Variants in P2RX5 observed in about 807,000 individuals in gnomAD.
P2RX5 encodes P2X purinoceptor 5.
In P2RX5, 46 loss-of-function variants were observed where a neutral mutation model predicts 54.1. That is an observed-to-expected ratio of 0.85 (90% confidence interval 0.67 to 1.09). P2RX5 has a LOEUF of 1.09. Ranked by LOEUF, P2RX5 falls within the 50% of genes least tolerant of loss-of-function variation. The probability of loss-of-function intolerance (pLI) is 0.00; values close to 1 mark genes in which losing one functional copy is unlikely to be tolerated. For synonymous variants in P2RX5, 226 were observed against 226.4 expected (o/e 1.00, Z 0.02); for missense variants, 566 against 549.8 (o/e 1.03, Z -0.29).
At chr17:3,721,661 G>C in the P2RX5 span, 2 of 152,056 alleles carry the variant, frequency 1.3e-5, no homozygotes, top group Admixed American at 6.6e-5. Flanking sequence ...CCTCACAAAT[G>C]TCACCTGGAT....
intron 3 of P2RX5, 118 bp downstream of exon 3, chr17:3,690,838 C>T (rs1964035792): frequency 8.8e-7 from 1 of 1,137,752 alleles, no homozygotes; most frequent in Non-Finnish European, 1.3e-6. Context: ...CACCCGGGTG[C>T]ACACAGCCAC....
intron 11 of P2RX5, among the ~76,000 whole-genome samples, chr17:3,675,103 G>A (rs1009105492): frequency 6.6e-6 from 1 of 152,160 alleles, no homozygotes; most frequent in African/African-American, 2.4e-5. Flanking sequence ...GCAGTGGCAC[G>A]ATCTTGGATC....
At chr17:3,707,334 G>C in the P2RX5 span, among the ~76,000 whole-genome samples, 1 of 152,112 alleles carries the variant, frequency 6.6e-6, no homozygotes, top group South Asian at 2.1e-4. Flanking sequence ...ACAGCCCACC[G>C]AACAGTCAGA....
chr17:3,680,764 C>A (rs1158347521), intron 10 of P2RX5, among the ~76,000 whole-genome samples: 8 of 106,160 alleles, frequency 7.5e-5, no homozygotes, highest in Non-Finnish European at 1.6e-4. Context: ...CTCCACCCTG[C>A]ATCCTCCACC....
At chr17:3,683,570 A>G (rs530824953) in intron 9 of P2RX5, among the ~76,000 whole-genome samples, 1 of 152,276 alleles carries the variant, frequency 6.6e-6, no homozygotes, top group African/African-American at 2.4e-5. Flanking sequence ...GTCTCTACAA[A>G]AATACGAAAA....
chr17:3,720,351 T>C, the P2RX5 span: 3 of 1,591,904 alleles, frequency 1.9e-6, no homozygotes, highest in Non-Finnish European at 2.6e-6. Context: ...TATAGAGATT[T>C]GTTGAAAGAT....
At chr17:3,707,987 T>C in the P2RX5 span, among the ~76,000 whole-genome samples, 2 of 141,480 alleles carry the variant, frequency 1.4e-5, no homozygotes, top group African/African-American at 2.7e-5. Flanking sequence ...GAACCCGGGA[T>C]GCGGAACTTG....
chr17:3,677,083 G>A (rs2050121613), intron 11 of P2RX5: 2 of 985,174 alleles, frequency 2.0e-6, no homozygotes, highest in African/African-American at 3.5e-5. Flanking sequence ...TAAATAAAAA[G>A]CAAGGCCCTA....
At chr17:3,704,689 G>A in the P2RX5 span, among the ~76,000 whole-genome samples, 1 of 152,174 alleles carries the variant, frequency 6.6e-6, no homozygotes, top group Non-Finnish European at 1.5e-5. Flanking sequence ...AGAGCCAAAT[G>A]CTAGTCCACT....
At chr17:3,714,989 T>A in the P2RX5 span, 1 of 1,174,546 alleles carries the variant, frequency 8.5e-7, no homozygotes, top group African/African-American at 1.5e-5. Flanking sequence ...AAGATAGCCA[T>A]CTGTTTCAGA....
At chr17:3,695,821 C>T (rs558854970) in intron 1 of P2RX5, 48 bp downstream of exon 1, 4 of 1,577,500 alleles carry the variant, frequency 2.5e-6, no homozygotes, top group Non-Finnish European at 1.7e-6. Context: ...GCGGCTGGCA[C>T]CCGCCCTGCC....
At chr17:3,674,740 A>C (rs375223998) in intron 11 of P2RX5, among the ~76,000 whole-genome samples, 22 of 152,280 alleles carry the variant, frequency 1.4e-4, no homozygotes, top group African/African-American at 5.1e-4. Flanking sequence ...CTTACCTGGA[A>C]TGCTTCCCCC....
intron 9 of P2RX5, chr17:3,685,685 GCGGGGCCCCCAGGGACC>G (rs2050436576): frequency 5.2e-5 from 3 of 57,846 alleles, no homozygotes; most frequent in African/African-American, 1.2e-4. Context: ...AGAACGCACA[GCGGGGCCCCCAGGGACC>G]CTCCCAACGT....
At chr17:3,701,713 AAAAAAAG>A in the P2RX5 span, among the ~76,000 whole-genome samples, 6 of 105,036 alleles carry the variant, frequency 5.7e-5, no homozygotes, top group African/African-American at 1.4e-4. Context: ...AAAAAAAAAA[AAAAAAAG>A]GAACTTCTAA....
chr17:3,683,974 G>A (rs766887548), intron 9 of P2RX5, among the ~76,000 whole-genome samples: 2 of 152,228 alleles, frequency 1.3e-5, no homozygotes, highest in African/African-American at 4.8e-5. Flanking sequence ...TGTGCACAGG[G>A]AGAGGAATGA....
intron 9 of P2RX5, among the ~76,000 whole-genome samples, chr17:3,683,812 TC>T (rs2050356617): frequency 6.6e-6 from 1 of 150,724 alleles, no homozygotes; most frequent in African/African-American, 2.4e-5. Flanking sequence ...TCCAGGACCC[TC>T]CCAGTGACTG....
chr17:3,674,704 A>C (rs1186265970), intron 11 of P2RX5, among the ~76,000 whole-genome samples: 1 of 152,082 alleles, frequency 6.6e-6, no homozygotes, highest in Non-Finnish European at 1.5e-5. Context: ...TCCCATATCA[A>C]AGCGTCTCTT....
upstream of P2RX5, among the ~76,000 whole-genome samples, chr17:3,699,881 G>GA (rs2050804637): frequency 8.1e-5 from 2 of 24,710 alleles, no homozygotes; most frequent in African/African-American, 1.8e-4. Context: ...AAGAAAGGAA[G>GA]GAAGGAAGGA....
intron 11 of P2RX5, among the ~76,000 whole-genome samples, chr17:3,679,111 G>C: frequency 6.6e-6 from 1 of 152,218 alleles, no homozygotes; most frequent in Admixed American, 6.5e-5. Context: ...AGTAACTCAG[G>C]AGAACCTCAT....
Sources: gnomAD v4.1 joint callset for allele counts (sites outside exome capture counted in the v4.1 genomes callset) on GRCh38, gnomAD v4.1.1 for gene constraint, MANE v1.5 for transcripts, NCBI Gene and HGNC (gene_info 2026-07-23, HGNC 2026-07-21) for gene names.